Variants in ZSCAN25 observed in about 807,000 individuals in gnomAD.
ZSCAN25 encodes the protein zinc finger and SCAN domain containing 25.
In ZSCAN25, 27 loss-of-function variants were observed where a neutral mutation model predicts 38.7. The observed-to-expected ratio is 0.70, with a 90% CI of 0.51 to 0.96. ZSCAN25 has a LOEUF of 0.96. Ranked by LOEUF, ZSCAN25 falls within the 40% of genes least tolerant of loss-of-function variation. The pLI is 0.00. For synonymous variants in ZSCAN25, 273 were observed against 277.7 expected (o/e 0.98, Z 0.17); for missense variants, 637 against 705.9 (o/e 0.90, Z 1.11).
At chr7:99,627,862 G>C (rs1192099260) in intron 7 of ZSCAN25, among the ~76,000 whole-genome samples, 2 of 151,952 alleles carry the variant, frequency 1.3e-5, no homozygotes, top group Non-Finnish European at 2.9e-5. Flanking sequence ...TATATATGCA[G>C]GGTATAGTGA....
At chr7:99,638,327 C>A in the ZSCAN25 span, 2 of 1,605,634 alleles carry the variant, frequency 1.2e-6, no homozygotes, top group Non-Finnish European at 1.7e-6. Flanking sequence ...CATACCAGTT[C>A]CTGTCCTGAA....
chr7:99,721,133 T>G, the ZSCAN25 span, among the ~76,000 whole-genome samples: 1 of 152,198 alleles, frequency 6.6e-6, no homozygotes, highest in African/African-American at 2.4e-5. Flanking sequence ...CCTTATAAAA[T>G]CACAGTCCAT....
At chr7:99,716,056 C>G in the ZSCAN25 span, 13 of 1,498,396 alleles carry the variant, frequency 8.7e-6, no homozygotes, top group African/African-American at 1.4e-5. Context: ...CCATCACACT[C>G]CCTCAGAAGG....
the ZSCAN25 span, chr7:99,720,235 T>C: frequency 4.5e-6 from 7 of 1,559,464 alleles, no homozygotes; most frequent in Non-Finnish European, 6.1e-6. Context: ...TAGGCAACTG[T>C]CTATGAATAT....
the ZSCAN25 span, among the ~76,000 whole-genome samples, chr7:99,731,406 A>G: frequency 6.6e-6 from 1 of 152,232 alleles, no homozygotes; most frequent in Non-Finnish European, 1.5e-5. Flanking sequence ...TCTGGGATGA[A>G]TATTTGATAA....
the ZSCAN25 span, among the ~76,000 whole-genome samples, chr7:99,686,725 C>A: frequency 6.6e-6 from 1 of 152,052 alleles, no homozygotes; most frequent in South Asian, 2.1e-4. Context: ...GGGTCCCTGT[C>A]CCCTGAGCAG....
the ZSCAN25 span, among the ~76,000 whole-genome samples, chr7:99,669,032 C>T: frequency 6.6e-6 from 1 of 152,126 alleles, no homozygotes; most frequent in Non-Finnish European, 1.5e-5. Flanking sequence ...ATTTTCCTAT[C>T]TGTTAATTTC....
At chr7:99,702,785 A>C in the ZSCAN25 span, among the ~76,000 whole-genome samples, 5 of 152,188 alleles carry the variant, frequency 3.3e-5, no homozygotes, top group Admixed American at 1.3e-4. Context: ...TCTTTGAAGA[A>C]TGTAATTGGT....
chr7:99,729,348 A>G, the ZSCAN25 span, among the ~76,000 whole-genome samples: 1 of 152,154 alleles, frequency 6.6e-6, no homozygotes, highest in Admixed American at 6.6e-5. Context: ...AACTCATTAT[A>G]AAATTTTCTT....
the ZSCAN25 span, among the ~76,000 whole-genome samples, chr7:99,706,674 TA>T: frequency 0.012 from 1,762 of 152,352 alleles, 90 homozygotes; most frequent in East Asian, 0.18. Context: ...AAGGCATGAA[TA>T]TATTTTCCCT....
the ZSCAN25 span, among the ~76,000 whole-genome samples, chr7:99,735,427 T>G: frequency 6.6e-6 from 1 of 152,158 alleles, no homozygotes; most frequent in Non-Finnish European, 1.5e-5. Flanking sequence ...GGTTCTGGGT[T>G]CTTATCACAA....
chr7:99,650,867 C>G, the ZSCAN25 span, among the ~76,000 whole-genome samples: 1 of 152,144 alleles, frequency 6.6e-6, no homozygotes, highest in Non-Finnish European at 1.5e-5. Context: ...TGATGCTACC[C>G]TACTGTAGTG....
the ZSCAN25 span, chr7:99,685,230 C>G: frequency 7.4e-6 from 12 of 1,613,154 alleles, no homozygotes; most frequent in African/African-American, 1.3e-5. Flanking sequence ...GTAATTTCAG[C>G]GGGATCTGCA....
At chr7:99,651,619 A>G in the ZSCAN25 span, among the ~76,000 whole-genome samples, 1 of 152,224 alleles carries the variant, frequency 6.6e-6, no homozygotes, top group Non-Finnish European at 1.5e-5. Flanking sequence ...GGTTCCTCCC[A>G]TCAGCAAACT....
chr7:99,632,048 C>G lies in ZSCAN25; in HGVS notation c.*2028C>G. On this transcript the variant is annotated 3_prime_UTR_variant, in exon 8 of 8. Transcript: ENST00000394152. ...GCCTCGGGGGGCTGCTTGTCATTAC[C>G]TGAATCACAGATGCTCTTTTGTCAT... 8 of 985,456 alleles carry G rather than the reference C, an allele frequency of 8.1e-6. No homozygotes were observed. Among genetic ancestry groups the G allele is most frequent in the Non-Finnish European group, 9.6e-6 (8 of 829,976 alleles). The allele number at this position is 985,456 out of a possible 1,614,324, so 61.0% of individuals were successfully genotyped here. A position where few individuals can be genotyped will look rare whatever the true frequency, so the allele number is the denominator to read the frequency against.
chr7:99,630,763 A>T lies in ZSCAN25; in HGVS notation c.*743A>T. 2.0e-6 allele frequency: 2 copies of T among 985,448 alleles called. No homozygotes were observed. The highest frequency in any genetic ancestry group is 2.4e-6 in the Non-Finnish European group (2 of 829,942). The allele number at this position is 985,448 out of a possible 1,614,324, so 61.0% of individuals were successfully genotyped here. On this transcript the variant is annotated 3_prime_UTR_variant, in exon 8 of 8. Coordinates refer to ENST00000394152, the MANE Select transcript of ZSCAN25 (RefSeq NM_145115.3). ...CATCTGTAAAACTTCCCCGTCCATT[A>T]TTCCTTGCACTATAACAACTGTCAA...
At chr7:99,722,310 A>C in the ZSCAN25 span, 2 of 1,613,640 alleles carry the variant, frequency 1.2e-6, no homozygotes, top group Non-Finnish European at 1.7e-6. Context: ...AGACTTTTCT[A>C]TACTTTTTAT....
chr7:99,621,948 G>A, intron 5 of ZSCAN25: 1 of 160,788 alleles, frequency 6.2e-6, no homozygotes. Flanking sequence ...TTTTTGAGAT[G>A]GGGTCTCACT....
chr7:99,674,410 C>T, the ZSCAN25 span: 1 of 653,918 alleles, frequency 1.5e-6, no homozygotes, highest in Non-Finnish European at 2.6e-6. Flanking sequence ...GAGAACCTCT[C>T]TCTGTTTGTA....
Sources: allele counts gnomAD v4.1 joint callset (sites outside exome capture counted in the v4.1 genomes callset), GRCh38; gene constraint gnomAD v4.1.1; transcripts MANE v1.5; gene names NCBI Gene and HGNC (gene_info 2026-07-23, HGNC 2026-07-21).